PCCA: variants seen among roughly 807,000 people sequenced by gnomAD.
PCCA encodes propionyl-CoA carboxylase subunit alpha.
PCCA carries 74 observed loss-of-function variants against 101.3 expected under a neutral mutation model. The observed-to-expected ratio is 0.73, with a 90% CI of 0.61 to 0.89. The LOEUF (loss-of-function observed/expected upper bound fraction) is 0.89. Among genes scored for constraint, PCCA ranks in the 40% least tolerant of loss-of-function variants. PCCA has a pLI of 0.00. For synonymous variants in PCCA, 294 were observed against 313.6 expected (o/e 0.94, Z 0.66); for missense variants, 891 against 907.0 (o/e 0.98, Z 0.23).
chr13:100,242,802 G>A (rs978955343), intron 8 of PCCA, among the ~76,000 whole-genome samples: 2 of 152,114 alleles, frequency 1.3e-5, no homozygotes, highest in Non-Finnish European at 2.9e-5. Flanking sequence ...TCTTAAAATA[G>A]TATAGGATTC....
intron 18 of PCCA, among the ~76,000 whole-genome samples, chr13:100,361,912 C>T (rs1235174569): frequency 3.9e-5 from 6 of 152,250 alleles, no homozygotes; most frequent in African/African-American, 1.4e-4. Context: ...TGAAGACATA[C>T]CTCTTTAAGG....
chr13:100,376,768 G>C (rs185030939), intron 19 of PCCA, among the ~76,000 whole-genome samples: 1 of 152,320 alleles, frequency 6.6e-6, no homozygotes, highest in East Asian at 1.9e-4. Flanking sequence ...CGCTGAGCAA[G>C]ACCACTTGGC....
chr13:100,285,136 C>T (rs943968829), intron 12 of PCCA, among the ~76,000 whole-genome samples: 1 of 152,150 alleles, frequency 6.6e-6, no homozygotes, highest in Non-Finnish European at 1.5e-5. Context: ...TCCTTGCCCT[C>T]AGACATTAAA....
At chr13:100,147,400 A>T (rs1322475850) in intron 4 of PCCA, among the ~76,000 whole-genome samples, 1 of 152,232 alleles carries the variant, frequency 6.6e-6, no homozygotes, top group Non-Finnish European at 1.5e-5. Context: ...GAGCAGTGAT[A>T]GCTGCTGCTG....
rs368047060 is a variant in PCCA, at chr13:100,262,815, G to A, written c.803G>A (p.Arg268His). The A allele has an allele frequency of 3.1e-5, 44 of 1,432,584 alleles. No individual in the cohort carries two copies. Among genetic ancestry groups the A allele is most frequent in the Middle Eastern group, 1.8e-4 (1 of 5,634 alleles). 88.7% of individuals were successfully genotyped at this position (1,432,584 alleles called of 1,614,324 possible). The change falls in exon 10 of 24, where the codon CGT (arginine) becomes CAT (histidine). Residue 268 changes from arginine to histidine, a missense_variant. By Grantham distance (29) the Arg-to-His change is conservative. Transcript: ENST00000376285. ...ATAGAAAAATTTATTGATAATCCTC[G>A]TCATATAGAAATCCAGGTTGGTACA... ...LLIEKFIDNP[R>H]HIEIQVLGDK...
chr13:100,310,764 G>C (rs191355057), intron 16 of PCCA, among the ~76,000 whole-genome samples: 3 of 152,232 alleles, frequency 2.0e-5, no homozygotes, highest in East Asian at 3.9e-4. Flanking sequence ...AAAATACAAA[G>C]TAGGCTTGCC....
intron 2 of PCCA, among the ~76,000 whole-genome samples, chr13:100,110,087 C>T (rs193111758): frequency 2.0e-5 from 3 of 152,064 alleles, no homozygotes; most frequent in Non-Finnish European, 2.9e-5. Context: ...GAGCTGAGAT[C>T]GTACCACTGC....
intron 12 of PCCA, among the ~76,000 whole-genome samples, chr13:100,285,645 T>A (rs2064554687): frequency 6.6e-6 from 1 of 152,134 alleles, no homozygotes; most frequent in African/African-American, 2.4e-5. Flanking sequence ...TACCAGGTGC[T>A]CCTCCTTGAA....
chr13:100,206,698 G>A (rs1236679400), intron 6 of PCCA, among the ~76,000 whole-genome samples: 1 of 152,178 alleles, frequency 6.6e-6, no homozygotes, highest in East Asian at 1.9e-4. Context: ...TGGCATATAA[G>A]CTGAAGGATT....
chr13:100,472,279 C>T (rs1028729260), intron 21 of PCCA, among the ~76,000 whole-genome samples: 16 of 152,096 alleles, frequency 1.1e-4, no homozygotes, highest in African/African-American at 3.9e-4. Flanking sequence ...GGCACGACGA[C>T]CTTGGTGGGT....
rs376094186 is a variant in PCCA, at chr13:100,302,954, A to G, written c.1240A>G (p.Ile414Val). ...DPYKSFGLPS[I>V]GRLSQYQEPL... ...CTACAAGTCTTTTGGTTTACCATCT[A>G]TTGGGAGATTGTCTCAGTACCAAGA... The change falls in exon 14 of 24, where the codon ATT becomes GTT. Residue 414 changes from isoleucine (I) to valine (V), a missense_variant. Transcript: ENST00000376285. 22 of 1,606,314 alleles carry G rather than the reference A, an allele frequency of 1.4e-5. No homozygotes were observed. Among genetic ancestry groups the G allele is most frequent in the Non-Finnish European group, 1.8e-5 (21 of 1,173,142 alleles).
At chr13:100,219,299 A>G (rs559513097) in intron 7 of PCCA, among the ~76,000 whole-genome samples, 106 of 152,238 alleles carry the variant, frequency 7.0e-4, no homozygotes, top group African/African-American at 2.3e-3. Flanking sequence ...GATATCTTCA[A>G]TTTGGACTTG....
intron 21 of PCCA, among the ~76,000 whole-genome samples, chr13:100,461,847 C>T (rs1308219980): frequency 6.6e-6 from 1 of 152,208 alleles, no homozygotes; most frequent in Non-Finnish European, 1.5e-5. Context: ...TCCCCACTTT[C>T]TCTGGAGGGG....
intron 17 of PCCA, among the ~76,000 whole-genome samples, chr13:100,332,108 T>G (rs983899539): frequency 1.3e-5 from 2 of 151,988 alleles, no homozygotes; most frequent in Non-Finnish European, 2.9e-5. Context: ...CCAGCTAATT[T>G]TTATATTTTT....
chr13:100,409,256 A>G (rs2077876893), intron 19 of PCCA, among the ~76,000 whole-genome samples: 1 of 152,220 alleles, frequency 6.6e-6, no homozygotes, highest in Non-Finnish European at 1.5e-5. Context: ...TAGGAGCCAC[A>G]GTGAAAGGTT....
intron 16 of PCCA, 24 bp from the exon 17 acceptor site, chr13:100,330,537 A>G: frequency 7.4e-7 from 1 of 1,348,648 alleles, no homozygotes; most frequent in Non-Finnish European, 1.1e-6. Flanking sequence ...ATTGTTCTTC[A>G]ATTTGATATC....
chr13:100,479,296 A>C (rs1283962850), intron 21 of PCCA, among the ~76,000 whole-genome samples: 4 of 152,158 alleles, frequency 2.6e-5, no homozygotes, highest in African/African-American at 9.7e-5. Flanking sequence ...CTCCTGAGAG[A>C]TTCTGATGGG....
At chr13:100,217,227 A>G (rs2059570523) in intron 7 of PCCA, among the ~76,000 whole-genome samples, 1 of 151,994 alleles carries the variant, frequency 6.6e-6, no homozygotes, top group Non-Finnish European at 1.5e-5. Flanking sequence ...TGGGTGGATC[A>G]TGAGGTCAGG....
At chr13:100,218,834 A>G (rs1398500114) in intron 7 of PCCA, among the ~76,000 whole-genome samples, 1 of 152,240 alleles carries the variant, frequency 6.6e-6, no homozygotes, top group African/African-American at 2.4e-5. Context: ...AGACTAGAGA[A>G]CAAGATTCTT....
Sources: allele counts gnomAD v4.1 joint callset (sites outside exome capture counted in the v4.1 genomes callset), GRCh38; gene constraint gnomAD v4.1.1; transcripts MANE v1.5; gene names NCBI Gene and HGNC (gene_info 2026-07-23, HGNC 2026-07-21).